BLVRB: variants seen among roughly 807,000 people sequenced by gnomAD.
The protein encoded by BLVRB is flavin reductase (NADPH).
Under a neutral mutation model 21.1 loss-of-function variants are expected in BLVRB, and 25 were observed. That is an observed-to-expected ratio of 1.19 (90% CI 0.86 to 1.66). The LOEUF (loss-of-function observed/expected upper bound fraction) is 1.66, where lower values mean the gene tolerates loss of function less well. BLVRB is among the 40% of genes most tolerant of loss of function. The probability of loss-of-function intolerance (pLI) is 0.00; values close to 1 mark genes in which losing one functional copy is unlikely to be tolerated. For missense variants in BLVRB, 274 were observed against 282.7 expected, an observed-to-expected ratio of 0.97 and a Z score of 0.22; for synonymous variants, 128 against 122.2, an observed-to-expected ratio of 1.05 and a Z score of -0.31.
chr19:40,448,940 C>T lies in BLVRB; in HGVS notation c.464-894G>A, dbSNP rs190444456. 9.9e-5 allele frequency among the ~76,000 whole-genome samples: 15 copies of T among 152,078 alleles called. No homozygotes were observed. In the East Asian group the frequency reaches 2.1e-3, roughly 22 times the overall value. On this transcript the variant is annotated intron_variant, in intron 4 of 4. Coordinates refer to ENST00000263368, the MANE Select transcript of BLVRB (RefSeq NM_000713.3). ...CATCTCTACAAAAAATGCAAAAATT[C>T]GCTGAGTGTGGTGGCTTATGCCTGT...
At position 40,465,600 on chromosome 19, in the gene BLVRB, C is replaced by T. The variant is rs1857480963; in HGVS notation, c.79+10G>A. The T allele has an allele frequency of 1.2e-6, 2 of 1,609,352 alleles. No homozygotes were observed. The highest frequency in any genetic ancestry group is 1.3e-5 in the African/African-American group (1 of 74,864). ...GTCCCGTGACATGCCCCGCCCGCCCCGGCTCATGCCTGCTTGCACCGCCTG... is the reference window on the plus strand; with the variant it reads ...GTCCCGTGACATGCCCCGCCCGCCCTGGCTCATGCCTGCTTGCACCGCCTG... On this transcript the variant is annotated intron_variant, in intron 1 of 4. Transcript: ENST00000263368.
intron 3 of BLVRB, among the ~76,000 whole-genome samples, chr19:40,456,150 G>A (rs2079761377): frequency 6.6e-6 from 1 of 152,184 alleles, no homozygotes; most frequent in African/African-American, 2.4e-5. Flanking sequence ...CAGCCATGAT[G>A]TATGTAAGCT....
intron 4 of BLVRB, among the ~76,000 whole-genome samples, chr19:40,449,740 A>G (rs940082557): frequency 4.6e-5 from 7 of 152,220 alleles, no homozygotes; most frequent in African/African-American, 1.7e-4. Context: ...ATATGCATAT[A>G]TGTTTTCACA....
rs554476319 is a variant in BLVRB, at chr19:40,454,419, C to T, written c.335-2927G>A. On this transcript the variant is annotated intron_variant, in intron 3 of 4. Transcript: ENST00000263368. Reference sequence around the variant, plus strand: ...GCTGGGATTACAGCGTGAGCCACTGCGCCTGGTCTAGGATTTCCTCTTTAC... The same window carrying T: ...GCTGGGATTACAGCGTGAGCCACTGTGCCTGGTCTAGGATTTCCTCTTTAC... Among the ~76,000 whole-genome samples, 14 of 152,164 alleles carry T rather than the reference C, an allele frequency of 9.2e-5. No homozygotes were observed. The East Asian group carries it at 9.7e-4, about 11-fold the overall frequency.
At chr19:40,459,478 C>A (rs370966236) in intron 1 of BLVRB, among the ~76,000 whole-genome samples, 3 of 151,528 alleles carry the variant, frequency 2.0e-5, no homozygotes, top group African/African-American at 7.3e-5. Flanking sequence ...GACGGAATCT[C>A]ACTCTGTAAC....
Position 40,458,512 on chromosome 19 carries a change from G to A in BLVRB, c.113C>T (p.Ser38Phe). The A allele has an allele frequency of 6.2e-7, 1 of 1,611,708 alleles. No individual in the cohort carries two copies. Residue 38 changes from serine to phenylalanine, a missense_variant, in exon 2 of 5, where the codon TCC becomes TTC. Physicochemically the swap from Ser to Phe is radical, Grantham distance 155. Coordinates refer to ENST00000263368, the MANE Select transcript of BLVRB (RefSeq NM_000713.3). ...YEVTVLVRDS[S>F]RLPSEGPRPA... The stretch of plus-strand genomic sequence containing the variant: ...CCGGGGCCCCTCTGATGGCAGCCTG[G>A]AGGAGTCCCGCACCAGCACTGTCAC...
chr19:40,457,164 C>CA (rs34827058), intron 3 of BLVRB, among the ~76,000 whole-genome samples: 1,150 of 90,116 alleles, frequency 0.013, 11 homozygotes, highest in African/African-American at 0.034. Flanking sequence ...CAGAAAGTCT[C>CA]AAAAAAAAAA....
In BLVRB at chr19:40,451,505, C is replaced by T; in HGVS notation, c.335-13G>A. 1 of 1,596,966 alleles carries T rather than the reference C, an allele frequency of 6.3e-7. No individual in the cohort carries two copies. The highest frequency in any genetic ancestry group is 1.7e-5 in the Admixed American group (1 of 57,814). ...CAGAGCAGGAAAGCTGGAGGGAACA[C>T]AGGGCAGGATCAGCCTGGGCTCTCT... On this transcript the variant is annotated splice_polypyrimidine_tract_variant and intron_variant, in intron 3 of 4. Transcript: ENST00000263368.
intron 4 of BLVRB, among the ~76,000 whole-genome samples, chr19:40,448,980 G>C (rs1002595601): frequency 1.3e-5 from 2 of 151,942 alleles, no homozygotes; most frequent in African/African-American, 2.4e-5. Flanking sequence ...CCAGCTACTT[G>C]GGCAGGAGAA....
intron 1 of BLVRB, among the ~76,000 whole-genome samples, chr19:40,461,661 G>A (rs531799951): frequency 6.6e-6 from 1 of 152,030 alleles, no homozygotes; most frequent in Admixed American, 6.6e-5. Flanking sequence ...CACCATGCCT[G>A]GCTAATTTTT....
Position 40,458,318 on chromosome 19 carries a change from G to A in BLVRB, c.244+63C>T, listed in dbSNP as rs534721669. On this transcript the variant is annotated intron_variant, in intron 2 of 4. Transcript: ENST00000263368. ...AGGGGTGGCAGGGGCGGGGCCGGGG[G>A]CGGGGGTGGCGCTGGGGGCCGAGGT... 5.3e-6 allele frequency: 8 copies of A among 1,514,324 alleles called. No homozygotes were observed. The African/African-American group carries it at 6.9e-5, about 13-fold the overall frequency. The allele number at this position is 1,514,324 out of a possible 1,614,324, so 93.8% of individuals were successfully genotyped here.
intron 1 of BLVRB, among the ~76,000 whole-genome samples, chr19:40,460,251 T>TAG (rs1462287045): frequency 3.7e-5 from 2 of 53,570 alleles, no homozygotes; most frequent in Non-Finnish European, 7.6e-5. Context: ...TAGCAACATA[T>TAG]ATATATATAT....
Position 40,465,616 on chromosome 19 carries a change from G to A in BLVRB, c.73C>T (p.Gln25Ter). 3 of 1,611,822 alleles carry A rather than the reference G, an allele frequency of 1.9e-6. No individual in the cohort carries two copies. The highest frequency in any genetic ancestry group is 1.7e-5 in the Admixed American group (1 of 59,916). Residue 25 changes from glutamine (Q) to a stop codon, truncating the protein, a stop_gained, in exon 1 of 5, where the codon CAA (glutamine) becomes TAA (stop). Coordinates refer to ENST00000263368, the MANE Select transcript of BLVRB (RefSeq NM_000713.3). LOFTEE classifies it high-confidence loss of function. ...CGCCCGCCCCGGCTCATGCCTGCTTGCACCGCCTGCGCCAGGGTGGTGAGC... is the reference window on the plus strand; with the variant it reads ...CGCCCGCCCCGGCTCATGCCTGCTTACACCGCCTGCGCCAGGGTGGTGAGC... ...TGLTTLAQAVQAGYEVTVLVR... is the reference protein window; with the variant it reads ...TGLTTLAQAV
chr19:40,449,386 C>T (rs1304491058), intron 4 of BLVRB, among the ~76,000 whole-genome samples: 2 of 152,072 alleles, frequency 1.3e-5, no homozygotes, highest in Non-Finnish European at 2.9e-5. Context: ...TCTGGGATTA[C>T]AGGTGTCCGC....
At chr19:40,455,070 C>CTCCTGG (rs2079756974) in intron 3 of BLVRB, among the ~76,000 whole-genome samples, 1 of 150,512 alleles carries the variant, frequency 6.6e-6, no homozygotes, top group African/African-American at 2.4e-5. Context: ...TGGTCCTGCA[C>CTCCTGG]TCCTGGACGC....
chr19:40,447,913 G>A lies in BLVRB; in HGVS notation c.597C>T (p.Thr199=). 1 of 1,614,082 alleles carries A rather than the reference G, an allele frequency of 6.2e-7. No homozygotes were observed. The highest frequency in any genetic ancestry group is 1.1e-5 in the South Asian group (1 of 91,078). The change falls in exon 5 of 5, where the codon ACC becomes ACT. Residue 199 remains threonine, a synonymous_variant. Transcript: ENST00000263368. ...GCTACTGGTACTGGTGGGAGGGGTA[G>A]GTGCTGTGTCCGTCGTACTCATCGG... ...LTTDEYDGHS[T]YPSHQYQ
At chr19:40,450,734 A>G (rs2079735759) in intron 4 of BLVRB, among the ~76,000 whole-genome samples, 1 of 150,224 alleles carries the variant, frequency 6.7e-6, no homozygotes, top group Non-Finnish European at 1.5e-5. Context: ...TGTAGAGATA[A>G]GTCTATGTTG....
chr19:40,463,980 G>A (rs370361853), intron 1 of BLVRB, among the ~76,000 whole-genome samples: 14 of 152,074 alleles, frequency 9.2e-5, no homozygotes, highest in South Asian at 8.3e-4. Context: ...TATTGGCCAG[G>A]CTGGTCTCGA....
intron 3 of BLVRB, among the ~76,000 whole-genome samples, chr19:40,454,872 T>G (rs1041946999): frequency 6.7e-6 from 1 of 149,288 alleles, no homozygotes; most frequent in Non-Finnish European, 1.5e-5. Flanking sequence ...GACAGGGTCT[T>G]GCTCTGCAGC....
Sources: gnomAD v4.1 joint callset for allele counts (sites outside exome capture counted in the v4.1 genomes callset) on GRCh38, gnomAD v4.1.1 for gene constraint, MANE v1.5 for transcripts, NCBI Gene and HGNC (gene_info 2026-07-23, HGNC 2026-07-21) for gene names.